NBAS: variants seen among roughly 807,000 people sequenced by gnomAD.
NBAS encodes NAG/BC035112 fusion.
NBAS carries 219 observed loss-of-function variants against 302.5 expected under a neutral mutation model. The ratio of observed to expected loss-of-function variants is 0.72; its 90% CI spans 0.65 to 0.81. NBAS has a LOEUF of 0.81. Among genes scored for constraint, NBAS ranks in the 30% least tolerant of loss-of-function variants. The pLI, the probability that NBAS is intolerant of heterozygous loss-of-function variation, is 0.00. For missense variants in NBAS, 2,932 were observed against 2,841.6 expected (o/e 1.03, Z -0.72); for synonymous variants, 1,118 against 1,021.6 (o/e 1.09, Z -1.80).
intron 35 of NBAS, among the ~76,000 whole-genome samples, chr2:15,338,173 CA>C (rs1672678383): frequency 6.6e-6 from 1 of 152,168 alleles, no homozygotes; most frequent in South Asian, 2.1e-4. Flanking sequence ...ACGACTATGA[CA>C]AATTATCTAC....
the NBAS span, among the ~76,000 whole-genome samples, chr2:15,009,927 C>T: frequency 6.6e-6 from 1 of 152,026 alleles, no homozygotes; most frequent in Admixed American, 6.6e-5. Context: ...CACATCTTCC[C>T]AACTTCTCTT....
the NBAS span, among the ~76,000 whole-genome samples, chr2:15,020,276 C>T: frequency 6.6e-6 from 1 of 152,292 alleles, no homozygotes; most frequent in South Asian, 2.1e-4. Context: ...TTTTTAAGAA[C>T]AGGTGCATAG....
intron 45 of NBAS, among the ~76,000 whole-genome samples, chr2:15,237,560 A>ATATTTATTTATTTATT (rs35617829): frequency 7.1e-6 from 1 of 139,926 alleles, no homozygotes. Flanking sequence ...GAAAATCAAA[A>ATATTTATTTATTTATT]TATTTATTTA....
the NBAS span, among the ~76,000 whole-genome samples, chr2:14,866,666 G>A: frequency 6.6e-6 from 1 of 152,020 alleles, no homozygotes; most frequent in Non-Finnish European, 1.5e-5. Context: ...ATCATGTACT[G>A]ATTAAAACAT....
chr2:14,942,533 C>G, the NBAS span, among the ~76,000 whole-genome samples: 506 of 152,328 alleles, frequency 3.3e-3, 10 homozygotes, highest in Admixed American at 0.03. Context: ...CAGATGTCAA[C>G]ATCATACTTC....
At chr2:15,095,561 G>A in the NBAS span, among the ~76,000 whole-genome samples, 468 of 152,284 alleles carry the variant, frequency 3.1e-3, 3 homozygotes, top group Non-Finnish European at 4.6e-3. Context: ...ATGAGATTTG[G>A]GTGGGGACAC....
chr2:15,480,105 C>T (rs1464058630), intron 12 of NBAS, among the ~76,000 whole-genome samples: 3 of 152,128 alleles, frequency 2.0e-5, no homozygotes, highest in African/African-American at 7.2e-5. Context: ...CTTTGGAAGG[C>T]CAAGGCAGGA....
the NBAS span, among the ~76,000 whole-genome samples, chr2:15,080,006 A>C: frequency 6.6e-6 from 1 of 152,218 alleles, no homozygotes; most frequent in African/African-American, 2.4e-5. Context: ...TAGAATAAAG[A>C]ATAGCAGCCT....
At chr2:15,314,987 T>G (rs896155149) in intron 38 of NBAS, among the ~76,000 whole-genome samples, 3 of 152,132 alleles carry the variant, frequency 2.0e-5, no homozygotes, top group African/African-American at 7.2e-5. Flanking sequence ...AATCAGAGCA[T>G]GGGGTGCCCT....
At chr2:15,027,026 C>G in the NBAS span, among the ~76,000 whole-genome samples, 117,122 of 151,964 alleles carry the variant, frequency 0.77, 45,404 homozygotes, top group East Asian at 1. Context: ...ATAATAATAC[C>G]TGGTCTCTAC....
intron 21 of NBAS, among the ~76,000 whole-genome samples, chr2:15,445,521 G>A (rs1678686192): frequency 9.0e-6 from 1 of 110,850 alleles, no homozygotes; most frequent in African/African-American, 3.4e-5. Context: ...GGGGGGAGGG[G>A]GGAGGGATAG....
chr2:15,178,555 T>C (rs1405362886), intron 51 of NBAS, among the ~76,000 whole-genome samples: 1 of 152,170 alleles, frequency 6.6e-6, no homozygotes, highest in Non-Finnish European at 1.5e-5. Flanking sequence ...CAGTAAACAC[T>C]ACTTAAACCC....
intron 38 of NBAS, among the ~76,000 whole-genome samples, chr2:15,315,001 G>A (rs915352400): frequency 2.9e-4 from 44 of 152,078 alleles, no homozygotes; most frequent in African/African-American, 9.9e-4. Flanking sequence ...GTGCCCTGTC[G>A]GAAGTGTGGG....
At chr2:15,511,593 G>T (rs1259108830) in intron 9 of NBAS, among the ~76,000 whole-genome samples, 2 of 152,060 alleles carry the variant, frequency 1.3e-5, no homozygotes. Flanking sequence ...TGGGAACTTA[G>T]AAATGAAGAA....
chr2:14,799,131 G>A, the NBAS span, among the ~76,000 whole-genome samples: 1 of 151,674 alleles, frequency 6.6e-6, no homozygotes, highest in African/African-American at 2.4e-5. Context: ...ATTTCTCAAG[G>A]TAGAAACTAA....
the NBAS span, among the ~76,000 whole-genome samples, chr2:14,859,260 G>A: frequency 6.6e-6 from 1 of 151,884 alleles, no homozygotes; most frequent in Non-Finnish European, 1.5e-5. Flanking sequence ...CAATACTACT[G>A]AAAGTAATTT....
In NBAS at chr2:15,535,523, GAAATAAATAAATAAATAAAT is replaced by G. The variant is rs58852086; in HGVS notation, c.647+875_648-883del. 2.1e-4 allele frequency among the ~76,000 whole-genome samples: 21 copies of G among 99,786 alleles called. No homozygotes were observed. The East Asian group carries it at 3.0e-3, about 14-fold the overall frequency. The allele number at this position is 99,786 out of a possible 152,430, so 65.5% of individuals were successfully genotyped here. A position where few individuals can be genotyped will look rare whatever the true frequency, so the allele number is the denominator to read the frequency against. On this transcript the variant is annotated intron_variant, in intron 8 of 51. Coordinates refer to ENST00000281513, the MANE Select transcript of NBAS (RefSeq NM_015909.4). ...GGCGACAGAGCAAGACTCCGTCTCA[GAAATAAATAAATAAATAAAT>G]AAATAAATAAATAAATAAATAAAAA...
intron 9 of NBAS, among the ~76,000 whole-genome samples, chr2:15,523,614 A>G (rs1662781096): frequency 6.6e-6 from 1 of 152,150 alleles, no homozygotes; most frequent in African/African-American, 2.4e-5. Context: ...CTGTGCAAAA[A>G]TAAATTGTAT....
At chr2:15,425,212 C>CTA (rs1677411161) in intron 22 of NBAS, among the ~76,000 whole-genome samples, 2 of 151,896 alleles carry the variant, frequency 1.3e-5, no homozygotes, top group Non-Finnish European at 2.9e-5. Context: ...TGTAAAAATG[C>CTA]TATGTTCCAT....
Sources: gnomAD v4.1 joint callset for allele counts (sites outside exome capture counted in the v4.1 genomes callset) on GRCh38, gnomAD v4.1.1 for gene constraint, MANE v1.5 for transcripts, NCBI Gene and HGNC (gene_info 2026-07-23, HGNC 2026-07-21) for gene names.